Variants in ADAMTS2 observed in about 807,000 individuals in gnomAD.
ADAMTS2 encodes the protein A disintegrin and metalloproteinase with thrombospondin motifs 2.
In ADAMTS2, 50 loss-of-function variants were observed where a neutral mutation model predicts 123.0. That is an observed-to-expected ratio of 0.41 (90% CI 0.32 to 0.51). ADAMTS2 has a LOEUF of 0.51. Ranked by LOEUF, ADAMTS2 falls within the 20% of genes least tolerant of loss-of-function variation. ADAMTS2 has a pLI of 0.35. For synonymous variants in ADAMTS2, 678 were observed against 695.4 expected, an observed-to-expected ratio of 0.98 and a Z score of 0.39; for missense variants, 1,494 against 1,705.2, an observed-to-expected ratio of 0.88 and a Z score of 2.18.
chr5:179,213,720 G>A (rs973574363), intron 3 of ADAMTS2, among the ~76,000 whole-genome samples: 12 of 152,350 alleles, frequency 7.9e-5, no homozygotes, highest in East Asian at 1.9e-4. Flanking sequence ...AAATGACCAG[G>A]AGGAGTTAAA....
Position 179,260,794 on chromosome 5 carries a change from G to A in ADAMTS2, c.688+12117C>T, listed in dbSNP as rs754001625. Among the ~76,000 whole-genome samples the A allele has an allele frequency of 3.9e-5, 6 of 152,192 alleles. No homozygotes were observed. The highest frequency in any genetic ancestry group is 7.2e-5 in the African/African-American group (3 of 41,440). On this transcript the variant is annotated intron_variant, in intron 3 of 21. Coordinates refer to ENST00000251582, the MANE Select transcript of ADAMTS2 (RefSeq NM_014244.5). This position sits in a 1 kb window ranked among gnomAD's most constrained non-coding sequence, Gnocchi z 4.2. Reference sequence around the variant, plus strand: ...GTACCTGCAGCGTGCTGGCAGACGCGGTCAACGGTAAGTGCTCCAGGAACG... The same window carrying A: ...GTACCTGCAGCGTGCTGGCAGACGCAGTCAACGGTAAGTGCTCCAGGAACG...
intron 3 of ADAMTS2, among the ~76,000 whole-genome samples, chr5:179,230,620 T>A (rs1269407776): frequency 1.3e-5 from 2 of 152,204 alleles, no homozygotes; most frequent in Non-Finnish European, 2.9e-5. Flanking sequence ...TGCACTGCGG[T>A]GTGTCTGCGT....
chr5:179,329,144 G>A (rs182481256), intron 2 of ADAMTS2, among the ~76,000 whole-genome samples: 315 of 151,916 alleles, frequency 2.1e-3, no homozygotes, highest in East Asian at 3.7e-3. Context: ...TGGCTAACAC[G>A]GTGAAACCCC....
At chr5:179,266,057 T>C (rs1198509706) in intron 3 of ADAMTS2, among the ~76,000 whole-genome samples, 33 of 151,834 alleles carry the variant, frequency 2.2e-4, no homozygotes, top group Non-Finnish European at 1.5e-5. Context: ...GCCTCAGGGG[T>C]CTGGGGAGTC....
Position 179,181,403 on chromosome 5 carries a change from T to A in ADAMTS2, c.892-248A>T, listed in dbSNP as rs1110514. Reference sequence around the variant, plus strand: ...AGCAACCCCACCCACCAGCCCAGGGTTTCCTCACCTGGGGCCTGAACATGG... The same window carrying A: ...AGCAACCCCACCCACCAGCCCAGGGATTCCTCACCTGGGGCCTGAACATGG... On this transcript the variant is annotated intron_variant, in intron 4 of 21. Coordinates refer to ENST00000251582, the MANE Select transcript of ADAMTS2 (RefSeq NM_014244.5). This position sits in a 1 kb window ranked among gnomAD's most constrained non-coding sequence, Gnocchi z 4.1. 0.69 allele frequency among the ~76,000 whole-genome samples: 104,726 copies of A among 151,950 alleles called. 37,226 individuals carry two copies. The highest frequency in any genetic ancestry group is 0.86 in the African/African-American group (35,727 of 41,474).
At position 179,117,553 on chromosome 5, in the gene ADAMTS2, ATT is replaced by A. The variant is rs202081869; in HGVS notation, c.3179-3231_3179-3230del. Among the ~76,000 whole-genome samples, 992 of 134,808 alleles carry A rather than the reference ATT, an allele frequency of 7.4e-3. 5 individuals are homozygous for A. Among genetic ancestry groups the A allele is most frequent in the African/African-American group, 0.025 (931 of 37,136 alleles). The allele number at this position is 134,808 out of a possible 152,430, so 88.4% of individuals were successfully genotyped here. On this transcript the variant is annotated intron_variant, in intron 21 of 21. Transcript: ENST00000251582. The surrounding 1 kb of genome is among the most constrained non-coding windows in gnomAD (Gnocchi z 4.2). Reference sequence around the variant, plus strand: ...TATTGGATCAGGCCCATGCCCATGCATTTTTTTTTTTTTTTTTGAGATGAAGT... The same window carrying A: ...TATTGGATCAGGCCCATGCCCATGCATTTTTTTTTTTTTTTGAGATGAAGT...
At chr5:179,215,029 T>G (rs463455) in intron 3 of ADAMTS2, among the ~76,000 whole-genome samples, 2 of 151,870 alleles carry the variant, frequency 1.3e-5, no homozygotes, top group Non-Finnish European at 2.9e-5. Context: ...AGAAAAATAA[T>G]GAAAAAGAAT....
At chr5:179,205,757 G>GTTATTGTTATTATTA (rs1554130229) in intron 4 of ADAMTS2, among the ~76,000 whole-genome samples, 6 of 115,930 alleles carry the variant, frequency 5.2e-5, no homozygotes, top group Admixed American at 9.7e-5. Flanking sequence ...TGGTTTTATT[G>GTTATTGTTATTATTA]TTATTATTAT....
chr5:179,143,960 C>T (rs1025937642), intron 10 of ADAMTS2, among the ~76,000 whole-genome samples: 1 of 152,130 alleles, frequency 6.6e-6, no homozygotes. Flanking sequence ...CATTCTGGAA[C>T]CACTTTCAAA....
At chr5:179,259,788 A>C (rs1766167468) in intron 3 of ADAMTS2, among the ~76,000 whole-genome samples, 1 of 152,190 alleles carries the variant, frequency 6.6e-6, no homozygotes, top group South Asian at 2.1e-4. Flanking sequence ...GAAGGAAGGG[A>C]GCCCGTGTCT....
At chr5:179,238,393 A>G (rs565127516) in intron 3 of ADAMTS2, among the ~76,000 whole-genome samples, 3 of 152,298 alleles carry the variant, frequency 2.0e-5, no homozygotes, top group African/African-American at 7.2e-5. Flanking sequence ...CCACGCTAGC[A>G]GAAGGAACAG....
intron 2 of ADAMTS2, among the ~76,000 whole-genome samples, chr5:179,290,689 G>A (rs1305880599): frequency 6.6e-6 from 1 of 152,142 alleles, no homozygotes; most frequent in African/African-American, 2.4e-5. Flanking sequence ...ATAAAACTGG[G>A]CCCCAGCCTC....
chr5:179,213,616 C>T (rs1047610166), intron 3 of ADAMTS2, among the ~76,000 whole-genome samples: 5 of 151,946 alleles, frequency 3.3e-5, no homozygotes, highest in East Asian at 1.9e-4. Context: ...GGTGGGGAGC[C>T]GAGAACAGGA....
At chr5:179,173,328 A>G (rs1229503963) in intron 5 of ADAMTS2, among the ~76,000 whole-genome samples, 1 of 152,166 alleles carries the variant, frequency 6.6e-6, no homozygotes, top group African/African-American at 2.4e-5. Context: ...CCTACTGCCC[A>G]CAGAGAAATC....
chr5:179,265,991 G>A (rs1766359523), intron 3 of ADAMTS2, among the ~76,000 whole-genome samples: 1 of 152,244 alleles, frequency 6.6e-6, no homozygotes, highest in African/African-American at 2.4e-5. Context: ...GGCTTGGCAG[G>A]GCCCAGGCTG....
chr5:179,302,398 A>C (rs1193656342), intron 2 of ADAMTS2, among the ~76,000 whole-genome samples: 3 of 150,306 alleles, frequency 2.0e-5, no homozygotes, highest in African/African-American at 7.4e-5. Flanking sequence ...AAAAAAAAAA[A>C]AAAAAAAAAG....
At chr5:179,271,154 TG>T (rs1351051785) in intron 3 of ADAMTS2, among the ~76,000 whole-genome samples, 2 of 151,070 alleles carry the variant, frequency 1.3e-5, no homozygotes, top group African/African-American at 4.9e-5. Flanking sequence ...GGATTGGGGG[TG>T]GGGGTGGAGG....
intron 2 of ADAMTS2, among the ~76,000 whole-genome samples, chr5:179,290,797 T>C (rs931410128): frequency 7.2e-5 from 11 of 152,126 alleles, no homozygotes; most frequent in Non-Finnish European, 1.3e-4. Flanking sequence ...GCAGGTCCTG[T>C]AGAAGGTGGT....
At position 179,314,230 on chromosome 5, in the gene ADAMTS2, C is replaced by A. The variant is rs1444345836; in HGVS notation, c.534+29537G>T. On this transcript the variant is annotated intron_variant, in intron 2 of 21. Coordinates refer to ENST00000251582, the MANE Select transcript of ADAMTS2 (RefSeq NM_014244.5). The surrounding 1 kb of genome is among the most constrained non-coding windows in gnomAD (Gnocchi z 4.5). The stretch of plus-strand genomic sequence containing the variant: ...GGGCTCCTGGTCCCATCCTGCCCCT[C>A]CCACCGGGTCGGCCCTGTCCTTGTC... 6.6e-6 allele frequency among the ~76,000 whole-genome samples: 1 copy of A among 152,240 alleles called. No individual in the cohort carries two copies. The highest frequency in any genetic ancestry group is 6.5e-5 in the Admixed American group (1 of 15,290).
Sources: allele counts gnomAD v4.1 joint callset (sites outside exome capture counted in the v4.1 genomes callset), GRCh38; gene constraint gnomAD v4.1.1; non-coding constraint Gnocchi (gnomAD v3.1); transcripts MANE v1.5; gene names NCBI Gene and HGNC (gene_info 2026-07-23, HGNC 2026-07-21).